Variants in FMN2 observed in about 807,000 individuals in gnomAD.
FMN2 encodes formin-2.
A neutral mutation model predicts 142.3 loss-of-function variants in FMN2; 51 were observed. The ratio of observed to expected loss-of-function variants is 0.36; its 90% CI spans 0.29 to 0.45. FMN2 has a LOEUF of 0.45. FMN2 is among the 20% of genes least tolerant of loss of function. The pLI is 1.00. For synonymous variants in FMN2, 882 were observed against 869.8 expected (o/e 1.01, Z -0.25); for missense variants, 1,936 against 2,122.8 (o/e 0.91, Z 1.73).
intron 2 of FMN2, among the ~76,000 whole-genome samples, chr1:240,134,148 A>G (rs1040664866): frequency 6.6e-6 from 1 of 152,208 alleles, no homozygotes; most frequent in Non-Finnish European, 1.5e-5. Flanking sequence ...GGTATTTAAT[A>G]TTATTGCCTT....
At chr1:240,163,977 A>T (rs1407946462) in intron 2 of FMN2, among the ~76,000 whole-genome samples, 4 of 152,130 alleles carry the variant, frequency 2.6e-5, no homozygotes, top group Admixed American at 6.5e-5. Flanking sequence ...GGCTTAAGCC[A>T]TCCTCCCACC....
chr1:240,198,678 T>C (rs1236416171), intron 4 of FMN2, among the ~76,000 whole-genome samples: 1 of 152,198 alleles, frequency 6.6e-6, no homozygotes, highest in Non-Finnish European at 1.5e-5. Context: ...TAAAATTGCT[T>C]GTATTTTAGT....
intron 2 of FMN2, among the ~76,000 whole-genome samples, chr1:240,169,680 G>A (rs975401020): frequency 1.2e-4 from 18 of 151,856 alleles, no homozygotes; most frequent in Middle Eastern, 3.4e-3. Flanking sequence ...TTGCTATCTC[G>A]TCCTGGCTGG....
chr1:240,441,947 CAG>C (rs879696916), intron 16 of FMN2, among the ~76,000 whole-genome samples: 34 of 151,166 alleles, frequency 2.2e-4, no homozygotes, highest in Non-Finnish European at 4.1e-4. Flanking sequence ...AAGAGAGAGA[CAG>C]AGAGAGAGAG....
intron 2 of FMN2, among the ~76,000 whole-genome samples, chr1:240,167,933 A>C (rs1394601944): frequency 6.6e-6 from 1 of 152,110 alleles, no homozygotes; most frequent in South Asian, 2.1e-4. Flanking sequence ...TTGGCCAGGC[A>C]TGGTGGCACA....
At chr1:240,313,722 C>G (rs1670669118) in intron 8 of FMN2, among the ~76,000 whole-genome samples, 3 of 152,246 alleles carry the variant, frequency 2.0e-5, no homozygotes, top group Admixed American at 2.0e-4. Flanking sequence ...AATCCCAGCA[C>G]TTTGGGAGGC....
rs377473213 is a variant in FMN2, at chr1:240,165,962, T to C, written c.1783-11959T>C. On this transcript the variant is annotated intron_variant, in intron 2 of 17. Transcript: ENST00000319653. ...TGTCCACAAACTCTCACAGGAATCC[T>C]GTAGGGTGTTGAGGGGTGGGGGCAA... is the stretch of plus-strand genomic sequence containing the variant. Among the ~76,000 whole-genome samples, 4 of 151,970 alleles carry C rather than the reference T, an allele frequency of 2.6e-5. No individual in the cohort carries two copies. The East Asian group carries it at 7.7e-4, about 29-fold the overall frequency.
Position 240,188,268 on chromosome 1 carries a change from A to G in FMN2, c.1986+6A>G, listed in dbSNP as rs564089045. On this transcript the variant is annotated splice_donor_region_variant and intron_variant, in intron 4 of 17. Transcript: ENST00000319653. ...GCTCAGATGCTGTCCAGAAGGTAAG[A>G]TGATCTTATTAGGATGTCAGATTCC... 85 of 1,612,854 alleles carry G rather than the reference A, an allele frequency of 5.3e-5. No homozygotes were observed. In the South Asian group the frequency reaches 8.9e-4, roughly 17 times the overall value.
rs140485397 is a variant in FMN2, at chr1:240,396,941, G to A, written c.4910+4379G>A. On this transcript the variant is annotated intron_variant, in intron 15 of 17. Coordinates refer to ENST00000319653, the MANE Select transcript of FMN2 (RefSeq NM_020066.5). ...CGAGTGTGTGTGTTTTTGATAGAAC[G>A]CATTATTTTCCTTTGGGTGTATATC... Among the ~76,000 whole-genome samples the A allele has an allele frequency of 3.2e-4, 49 of 152,220 alleles. No homozygotes were observed. The East Asian group carries it at 4.4e-3, about 14-fold the overall frequency.
At chr1:240,179,216 G>A (rs916373771) in intron 3 of FMN2, 3 of 152,116 alleles carry the variant, frequency 2.0e-5, no homozygotes, top group African/African-American at 7.2e-5. Flanking sequence ...TATTATCATT[G>A]TTTCATGTCA....
At chr1:240,386,844 A>T (rs1311744452) in intron 14 of FMN2, among the ~76,000 whole-genome samples, 1 of 152,174 alleles carries the variant, frequency 6.6e-6, no homozygotes, top group Non-Finnish European at 1.5e-5. Flanking sequence ...CCTAAAAGGT[A>T]ATCTTATGCC....
At chr1:240,112,670 T>TTCTCCACTTGCAG (rs1296227890) in intron 1 of FMN2, among the ~76,000 whole-genome samples, 1 of 152,248 alleles carries the variant, frequency 6.6e-6, no homozygotes, top group East Asian at 1.9e-4. Context: ...TTATCAGCTT[T>TTCTCCACTTGCAG]TGAGAATTTT....
chr1:240,469,269 AC>A (rs1365227636), intron 16 of FMN2, among the ~76,000 whole-genome samples: 1 of 152,152 alleles, frequency 6.6e-6, no homozygotes, highest in East Asian at 1.9e-4. Flanking sequence ...AAATCAGAAT[AC>A]CTAAGAATAG....
At chr1:240,456,425 A>G (rs1572334932) in intron 16 of FMN2, among the ~76,000 whole-genome samples, 2 of 152,258 alleles carry the variant, frequency 1.3e-5, no homozygotes, top group African/African-American at 4.8e-5. Flanking sequence ...CCATATTCCT[A>G]TCTGAAACTG....
chr1:240,466,835 C>T (rs1386736634), intron 16 of FMN2, among the ~76,000 whole-genome samples: 3 of 152,138 alleles, frequency 2.0e-5, no homozygotes, highest in Admixed American at 6.5e-5. Flanking sequence ...TCTCTAGGTG[C>T]GACTGTGAAC....
intron 15 of FMN2, among the ~76,000 whole-genome samples, chr1:240,413,455 A>G (rs1466676388): frequency 1.3e-5 from 2 of 152,146 alleles, no homozygotes; most frequent in Admixed American, 6.5e-5. Flanking sequence ...CCAACTCATC[A>G]TGAAATGTTG....
intron 16 of FMN2, among the ~76,000 whole-genome samples, chr1:240,461,652 T>A (rs1032484696): frequency 6.6e-6 from 1 of 152,218 alleles, no homozygotes; most frequent in Admixed American, 6.5e-5. Flanking sequence ...TTTAAGCCCA[T>A]GATTTTGTCC....
intron 8 of FMN2, among the ~76,000 whole-genome samples, chr1:240,314,048 G>A (rs1442843346): frequency 6.6e-6 from 1 of 151,964 alleles, no homozygotes; most frequent in African/African-American, 2.4e-5. Flanking sequence ...TTATGCTTTT[G>A]TACATAAAAA....
chr1:240,259,328 G>A (rs1271903476), intron 7 of FMN2, among the ~76,000 whole-genome samples: 1 of 152,116 alleles, frequency 6.6e-6, no homozygotes, highest in Non-Finnish European at 1.5e-5. Flanking sequence ...CTGTGGTAAA[G>A]CCAGTGAGAG....
Sources: allele counts gnomAD v4.1 joint callset (sites outside exome capture counted in the v4.1 genomes callset), GRCh38; gene constraint gnomAD v4.1.1; transcripts MANE v1.5; gene names NCBI Gene and HGNC (gene_info 2026-07-23, HGNC 2026-07-21).